CEP15: variants seen among roughly 807,000 people sequenced by gnomAD.
CEP15 encodes centrosomal protein 15 kDa.
At chr3:62,319,924 GTATC>G in the CEP15 span, 3 of 152,334 alleles carry the variant, frequency 2.0e-5, no homozygotes, top group Admixed American at 6.5e-5. Context: ...GAAGGGGAAG[GTATC>G]TATCTAATTG....
At chr3:62,335,324 C>T in the CEP15 span, 7 of 152,022 alleles carry the variant, frequency 4.6e-5, no homozygotes, top group African/African-American at 1.7e-4. Flanking sequence ...TTCCAAGGCT[C>T]CTGCTGTAGT....
the CEP15 span, chr3:62,320,500 G>A: frequency 1.4e-5 from 23 of 1,611,638 alleles, no homozygotes; most frequent in African/African-American, 4.0e-5. Flanking sequence ...CAAGAAATTC[G>A]CCTTTCTAAA....
chr3:62,328,429 A>G, the CEP15 span, among the ~76,000 whole-genome samples: 1 of 152,200 alleles, frequency 6.6e-6, no homozygotes, highest in Non-Finnish European at 1.5e-5. Context: ...ACTGTGTTCT[A>G]AGAACACTTG....
chr3:62,322,918 A>G, the CEP15 span, among the ~76,000 whole-genome samples: 1 of 152,336 alleles, frequency 6.6e-6, no homozygotes, highest in South Asian at 2.1e-4. This position sits in a 1 kb window ranked among gnomAD's most constrained non-coding sequence, Gnocchi z 5.5. Flanking sequence ...AATTTAAGTC[A>G]CAGCCATAGT....
the CEP15 span, chr3:62,323,794 G>A: frequency 3.0e-4 from 46 of 152,032 alleles, no homozygotes; most frequent in African/African-American, 1.0e-3. Context: ...TATTCCTACT[G>A]TAAAAAAAAT....
the CEP15 span, among the ~76,000 whole-genome samples, chr3:62,327,718 T>C: frequency 6.6e-6 from 1 of 152,336 alleles, no homozygotes; most frequent in African/African-American, 2.4e-5. Flanking sequence ...TTGATTACAC[T>C]GAAGTACATA....
chr3:62,328,745 A>C, the CEP15 span, among the ~76,000 whole-genome samples: 2 of 151,776 alleles, frequency 1.3e-5, no homozygotes, highest in Non-Finnish European at 2.9e-5. Context: ...TTTAATGCCT[A>C]GTACATGCCC....
chr3:62,331,325 G>A, the CEP15 span: 1 of 1,612,606 alleles, frequency 6.2e-7, no homozygotes. Flanking sequence ...TCTGTTACAG[G>A]ATATAGAAGC....
the CEP15 span, among the ~76,000 whole-genome samples, chr3:62,325,942 T>A: frequency 6.6e-6 from 1 of 151,294 alleles, no homozygotes; most frequent in Non-Finnish European, 1.5e-5. Context: ...GAAAATTGCT[T>A]GAACCCGGGA....
At chr3:62,330,042 T>C in the CEP15 span, among the ~76,000 whole-genome samples, 4 of 152,200 alleles carry the variant, frequency 2.6e-5, no homozygotes, top group East Asian at 5.8e-4. Context: ...ATCAGCTTTT[T>C]CCCCTAAATT....
chr3:62,330,813 A>T, the CEP15 span, among the ~76,000 whole-genome samples: 1 of 152,172 alleles, frequency 6.6e-6, no homozygotes, highest in African/African-American at 2.4e-5. Context: ...ATTTGCATAT[A>T]TATAAATTTT....
chr3:62,322,118 T>C, the CEP15 span: 3 of 1,512,746 alleles, frequency 2.0e-6, no homozygotes, highest in Admixed American at 2.1e-5. This position sits in a 1 kb window ranked among gnomAD's most constrained non-coding sequence, Gnocchi z 5.5. Context: ...TAGGTAAGTT[T>C]CATAAAATTG....
the CEP15 span, among the ~76,000 whole-genome samples, chr3:62,332,481 C>T: frequency 4.6e-5 from 7 of 151,996 alleles, no homozygotes; most frequent in Non-Finnish European, 8.8e-5. Context: ...ATCAGTTGCC[C>T]TCCTATGACA....
chr3:62,333,183 C>A, the CEP15 span: 2 of 1,463,568 alleles, frequency 1.4e-6, no homozygotes, highest in Non-Finnish European at 9.4e-7. The surrounding 1 kb of genome is among the most constrained non-coding windows in gnomAD (Gnocchi z 4.0). Context: ...AGTGAATAAA[C>A]ATTTAGACTA....
At chr3:62,329,459 C>T in the CEP15 span, among the ~76,000 whole-genome samples, 2 of 152,098 alleles carry the variant, frequency 1.3e-5, no homozygotes, top group African/African-American at 2.4e-5. Flanking sequence ...CTTAAGAAAG[C>T]TCACACTTAG....
the CEP15 span, chr3:62,333,536 C>A: frequency 1.1e-6 from 1 of 902,876 alleles, no homozygotes; most frequent in Non-Finnish European, 1.6e-6. This position sits in a 1 kb window ranked among gnomAD's most constrained non-coding sequence, Gnocchi z 4.0. Context: ...AATTTACTGG[C>A]AAGTCACATG....
At chr3:62,329,769 A>G in the CEP15 span, among the ~76,000 whole-genome samples, 1 of 152,230 alleles carries the variant, frequency 6.6e-6, no homozygotes, top group South Asian at 2.1e-4. Flanking sequence ...AATATTGTCT[A>G]CAATGCTAAG....
At chr3:62,319,844 C>G in the CEP15 span, 2 of 152,272 alleles carry the variant, frequency 1.3e-5, no homozygotes, top group African/African-American at 2.4e-5. Context: ...TGAGCTTGCT[C>G]GTGGTGTGAA....
At chr3:62,320,336 A>T in the CEP15 span, 1 of 618,138 alleles carries the variant, frequency 1.6e-6, no homozygotes, top group African/African-American at 1.9e-5. Context: ...ATACATTATT[A>T]CATCTTAAGT....
Sources: allele counts gnomAD v4.1 joint callset (sites outside exome capture counted in the v4.1 genomes callset), GRCh38; gene constraint gnomAD v4.1.1; non-coding constraint Gnocchi (gnomAD v3.1); transcripts MANE v1.5; gene names NCBI Gene and HGNC (gene_info 2026-07-23, HGNC 2026-07-21).